Variants in GRM7 observed in about 807,000 individuals in gnomAD.
GRM7 encodes glutamate metabotropic receptor 7.
Under a neutral mutation model 84.5 loss-of-function variants are expected in GRM7, and 35 were observed. The observed-to-expected ratio is 0.41, with a 90% CI of 0.32 to 0.55. The LOEUF is 0.55. GRM7 is among the 20% of genes least tolerant of loss of function. GRM7 has a pLI of 0.19. For synonymous variants in GRM7, 487 were observed against 455.1 expected (o/e 1.07, Z -0.89); for missense variants, 1,003 against 1,194.6 (o/e 0.84, Z 2.36).
rs114511863 is a variant in GRM7, at chr3:7,357,501, T to C, written c.1033+50849T>C. Among the ~76,000 whole-genome samples, 933 of 152,210 alleles carry C rather than the reference T, an allele frequency of 6.1e-3. 6 individuals are homozygous for C. The highest frequency in any genetic ancestry group is 0.021 in the African/African-American group (879 of 41,558). ...CAGTTCCTACAGACATATTTTTTCC[T>C]CTAGGTTGTTATAAAAATATTGAGA... On this transcript the variant is annotated intron_variant, in intron 4 of 9. Coordinates refer to ENST00000357716, the MANE Select transcript of GRM7 (RefSeq NM_000844.4).
At chr3:7,075,363 G>A (rs1221708842) in intron 1 of GRM7, among the ~76,000 whole-genome samples, 1 of 152,128 alleles carries the variant, frequency 6.6e-6, no homozygotes, top group Non-Finnish European at 1.5e-5. Context: ...GCTTTGCCAG[G>A]CTCTTCTCTG....
chr3:7,331,409 A>G (rs1701203964), intron 4 of GRM7, among the ~76,000 whole-genome samples: 1 of 152,214 alleles, frequency 6.6e-6, no homozygotes, highest in African/African-American at 2.4e-5. Context: ...GGTTAGATAA[A>G]ATAATCAAAC....
chr3:7,559,183 T>G (rs1693901776), intron 7 of GRM7: 1 of 143,954 alleles, frequency 6.9e-6, no homozygotes, highest in African/African-American at 2.5e-5. Context: ...GGCCTTGCAC[T>G]GAGGGCATCA....
intron 2 of GRM7, among the ~76,000 whole-genome samples, chr3:7,257,215 C>T (rs1192481572): frequency 1.3e-5 from 2 of 152,144 alleles, no homozygotes; most frequent in African/African-American, 4.8e-5. Context: ...TATGGAAGAC[C>T]TCTCTGCTAA....
At chr3:7,657,310 T>TGTCA (rs1310405156) in intron 8 of GRM7, among the ~76,000 whole-genome samples, 2 of 152,226 alleles carry the variant, frequency 1.3e-5, no homozygotes, top group African/African-American at 4.8e-5. Flanking sequence ...GAGTCATGCC[T>TGTCA]GTCATGCCAT....
chr3:7,051,809 T>C (rs1306109766), intron 1 of GRM7, among the ~76,000 whole-genome samples: 2 of 151,750 alleles, frequency 1.3e-5, no homozygotes, highest in African/African-American at 2.4e-5. Context: ...TTAAAAGAAT[T>C]CCACATGGAT....
At chr3:7,382,607 A>T (rs1347489190) in intron 4 of GRM7, among the ~76,000 whole-genome samples, 3 of 152,246 alleles carry the variant, frequency 2.0e-5, no homozygotes, top group African/African-American at 7.2e-5. Flanking sequence ...AACACTGAAG[A>T]CACTTCATAA....
rs1313773356 is a variant in GRM7, at chr3:7,108,178, A to G, written c.520-38274A>G. ...TAAGTGCTGCACGATAGAGTATTCA[A>G]GTATTCAACAAACCATAGAGCCTTC... On this transcript the variant is annotated intron_variant, in intron 1 of 9. Transcript: ENST00000357716. Among the ~76,000 whole-genome samples, 4 of 152,256 alleles carry G rather than the reference A, an allele frequency of 2.6e-5. No homozygotes were observed. In the East Asian group the frequency reaches 7.8e-4, roughly 30 times the overall value.
At chr3:7,021,663 G>T (rs752687028) in intron 1 of GRM7, among the ~76,000 whole-genome samples, 1 of 152,084 alleles carries the variant, frequency 6.6e-6, no homozygotes, top group African/African-American at 2.4e-5. Flanking sequence ...GTTTTTAATT[G>T]TATAGTATTC....
At chr3:7,412,652 T>C (rs933063797) in intron 4 of GRM7, among the ~76,000 whole-genome samples, 2 of 152,158 alleles carry the variant, frequency 1.3e-5, no homozygotes, top group African/African-American at 4.8e-5. Flanking sequence ...TTGTTCTAAG[T>C]TTGCTTTCAA....
intron 1 of GRM7, among the ~76,000 whole-genome samples, chr3:6,898,871 G>C (rs1696286748): frequency 6.6e-6 from 1 of 152,032 alleles, no homozygotes; most frequent in Admixed American, 6.6e-5. Flanking sequence ...CTGGAGCACT[G>C]ATAAGACCTT....
chr3:7,222,667 T>C (rs6799115), intron 2 of GRM7, among the ~76,000 whole-genome samples: 16,065 of 152,200 alleles, frequency 0.11, 1,093 homozygotes, highest in Non-Finnish European at 0.16. Flanking sequence ...TAGTAAATGT[T>C]TGGTTTTTTA....
intron 9 of GRM7, among the ~76,000 whole-genome samples, chr3:7,732,902 G>A (rs1329184264): frequency 6.6e-6 from 1 of 152,210 alleles, no homozygotes; most frequent in Non-Finnish European, 1.5e-5. Context: ...AGGGCCGCTG[G>A]TTGCCCATTT....
Position 7,424,175 on chromosome 3 carries a change from C to T in GRM7, c.1174+9012C>T, listed in dbSNP as rs541520931. Among the ~76,000 whole-genome samples, 16 of 152,036 alleles carry T rather than the reference C, an allele frequency of 1.1e-4. No homozygotes were observed. The South Asian group carries it at 3.3e-3, about 32-fold the overall frequency. ...AGTCCCTACTATATGGGCTCATTCACAAGAATTAAATAGAGCAATACCTGG... is the reference window on the plus strand; with the variant it reads ...AGTCCCTACTATATGGGCTCATTCATAAGAATTAAATAGAGCAATACCTGG... On this transcript the variant is annotated intron_variant, in intron 5 of 9. Coordinates refer to ENST00000357716, the MANE Select transcript of GRM7 (RefSeq NM_000844.4).
rs768665115 is a variant in GRM7 at position 7,579,250 on chromosome 3, G to A, written c.2344G>A (p.Glu782Lys). ...VYAIKTRGVP[E>K]NFNEAKPIGF... The stretch of plus-strand genomic sequence containing the variant: ...TGCCATCAAGACTCGGGGTGTACCC[G>A]AGAATTTTAACGAAGCCAAGCCCAT... The change falls in exon 8 of 10, where the codon GAG (glutamate) becomes AAG (lysine). Residue 782 changes from glutamate to lysine, a missense_variant. Physicochemically the swap from Glu to Lys is moderately conservative, Grantham distance 56 (BLOSUM62 1). This residue lies in a region of GRM7 where 910 missense variants were observed against 1,126.0 expected (regional missense o/e 0.81). Coordinates refer to ENST00000357716, the MANE Select transcript of GRM7 (RefSeq NM_000844.4). The A allele has an allele frequency of 1.2e-6, 2 of 1,613,598 alleles. No individual in the cohort carries two copies. Among genetic ancestry groups the A allele is most frequent in the African/African-American group, 1.3e-5 (1 of 74,920 alleles).
At chr3:7,570,215 A>G (rs1250918928) in intron 7 of GRM7, among the ~76,000 whole-genome samples, 4 of 152,140 alleles carry the variant, frequency 2.6e-5, no homozygotes, top group Admixed American at 6.6e-5. Flanking sequence ...CCCAAATCTC[A>G]TGTCCTCACA....
chr3:7,172,146 A>G (rs1000146097), intron 2 of GRM7, among the ~76,000 whole-genome samples: 4 of 152,162 alleles, frequency 2.6e-5, no homozygotes, highest in African/African-American at 9.7e-5. Context: ...ATGAGCTGTT[A>G]AACACCCAAA....
intron 7 of GRM7, 24 bp from the exon 8 acceptor site, chr3:7,578,398 A>C: frequency 6.7e-7 from 1 of 1,494,114 alleles, no homozygotes; most frequent in Non-Finnish European, 9.2e-7. Flanking sequence ...TGCCTGATTC[A>C]CCTTCTTATT....
intron 1 of GRM7, among the ~76,000 whole-genome samples, chr3:6,951,754 G>A (rs1692778453): frequency 6.6e-6 from 1 of 152,130 alleles, no homozygotes; most frequent in South Asian, 2.1e-4. Flanking sequence ...TCAGTGGAAG[G>A]TTCTATAAAT....
Sources: allele counts gnomAD v4.1 joint callset (sites outside exome capture counted in the v4.1 genomes callset), GRCh38; gene constraint gnomAD v4.1.1; regional missense constraint gnomAD v4.1.1; transcripts MANE v1.5; gene names NCBI Gene and HGNC (gene_info 2026-07-23, HGNC 2026-07-21).